The following ATRNL1 variants were observed in gnomAD, a reference collection of about 807,000 sequenced individuals.
The protein encoded by ATRNL1 is attractin like 1, also known as attractin-like protein 1.
Under a neutral mutation model 182.7 loss-of-function variants are expected in ATRNL1, and 95 were observed. The ratio of observed to expected loss-of-function variants is 0.52; its 90% CI spans 0.44 to 0.62. The LOEUF (loss-of-function observed/expected upper bound fraction) is 0.62. Among genes scored for constraint, ATRNL1 ranks in the 20% least tolerant of loss-of-function variants. The pLI, the probability that ATRNL1 is intolerant of heterozygous loss-of-function variation, is 0.00. For synonymous variants in ATRNL1, 576 were observed against 568.3 expected (o/e 1.01, Z -0.19); for missense variants, 1,471 against 1,679.5 (o/e 0.88, Z 2.17).
At chr10:115,612,358 CCA>C (rs1555019280) in intron 26 of ATRNL1, among the ~76,000 whole-genome samples, 1 of 152,084 alleles carries the variant, frequency 6.6e-6, no homozygotes, top group Non-Finnish European at 1.5e-5. Context: ...TTCTTTCTTG[CCA>C]CAGTGTTTAC....
chr10:115,483,239 A>G (rs923254082), intron 24 of ATRNL1, among the ~76,000 whole-genome samples: 8 of 151,420 alleles, frequency 5.3e-5, no homozygotes, highest in Non-Finnish European at 1.0e-4. Flanking sequence ...TAAATCAACA[A>G]TAGTTTATAT....
At chr10:115,727,979 A>G (rs375443686) in intron 27 of ATRNL1, among the ~76,000 whole-genome samples, 4 of 151,878 alleles carry the variant, frequency 2.6e-5, no homozygotes, top group Admixed American at 2.6e-4. Context: ...AATAATCCCT[A>G]AAGATGCAAA....
At chr10:115,419,304 G>C (rs1845547953) in intron 20 of ATRNL1, among the ~76,000 whole-genome samples, 1 of 151,968 alleles carries the variant, frequency 6.6e-6, no homozygotes, top group South Asian at 2.1e-4. Context: ...AAAAAGTAAG[G>C]AATAAAACAC....
chr10:115,454,514 T>C (rs1847432582), intron 21 of ATRNL1, among the ~76,000 whole-genome samples: 1 of 152,142 alleles, frequency 6.6e-6, no homozygotes, highest in Non-Finnish European at 1.5e-5. Context: ...TTTAACCATA[T>C]TAATTTTTCC....
At chr10:115,762,651 C>T (rs1040991838) in intron 27 of ATRNL1, among the ~76,000 whole-genome samples, 2 of 151,898 alleles carry the variant, frequency 1.3e-5, no homozygotes, top group Non-Finnish European at 2.9e-5. Flanking sequence ...AACTAACCTC[C>T]CATAAATAGT....
At chr10:115,728,543 T>A (rs1555061447) in intron 27 of ATRNL1, among the ~76,000 whole-genome samples, 1 of 152,120 alleles carries the variant, frequency 6.6e-6, no homozygotes, top group Non-Finnish European at 1.5e-5. Context: ...TTACTTTTTG[T>A]CAAGGAAAAT....
At chr10:115,109,583 C>T (rs1554867300) in intron 1 of ATRNL1, among the ~76,000 whole-genome samples, 1 of 152,202 alleles carries the variant, frequency 6.6e-6, no homozygotes, top group African/African-American at 2.4e-5. Context: ...CATCCCCACA[C>T]TGTTGTATCG....
intron 26 of ATRNL1, among the ~76,000 whole-genome samples, chr10:115,607,469 T>A (rs1310279120): frequency 1.3e-5 from 2 of 151,784 alleles, no homozygotes; most frequent in Non-Finnish European, 3.0e-5. Flanking sequence ...TCCTTTAAAG[T>A]TTACAACTTT....
chr10:115,514,681 A>C (rs1316741811), intron 24 of ATRNL1, among the ~76,000 whole-genome samples: 5 of 151,930 alleles, frequency 3.3e-5, no homozygotes, highest in Non-Finnish European at 7.4e-5. Context: ...CTACTTATAC[A>C]CCATTTAAAT....
intron 26 of ATRNL1, among the ~76,000 whole-genome samples, chr10:115,601,264 T>C (rs188605548): frequency 6.6e-6 from 1 of 152,306 alleles, no homozygotes; most frequent in Admixed American, 6.5e-5. Flanking sequence ...CATATACATA[T>C]CATTGTAGTG....
At chr10:115,102,399 A>T (rs1843809161) in intron 1 of ATRNL1, among the ~76,000 whole-genome samples, 1 of 151,768 alleles carries the variant, frequency 6.6e-6, no homozygotes, top group African/African-American at 2.4e-5. Context: ...CACTTTATTA[A>T]TGTATGTATG....
intron 28 of ATRNL1, among the ~76,000 whole-genome samples, chr10:115,886,599 G>A (rs1951952023): frequency 6.6e-6 from 1 of 152,150 alleles, no homozygotes; most frequent in African/African-American, 2.4e-5. Flanking sequence ...TGTAAGTATT[G>A]TATTTAATTT....
chr10:115,838,891 G>C (rs1950740870), intron 27 of ATRNL1, among the ~76,000 whole-genome samples: 1 of 152,046 alleles, frequency 6.6e-6, no homozygotes, highest in Non-Finnish European at 1.5e-5. Context: ...CTTATTCTCT[G>C]AGAAATCCAG....
chr10:115,140,835 T>C (rs782716474), intron 5 of ATRNL1, among the ~76,000 whole-genome samples: 3 of 152,150 alleles, frequency 2.0e-5, no homozygotes, highest in Non-Finnish European at 4.4e-5. Context: ...TGTTGCGTAG[T>C]GCCTCTGATC....
chr10:115,302,713 A>G (rs1472332109), intron 17 of ATRNL1, among the ~76,000 whole-genome samples: 1 of 152,192 alleles, frequency 6.6e-6, no homozygotes, highest in Non-Finnish European at 1.5e-5. Context: ...ATGAATATTT[A>G]ATACTGGGTA....
Position 115,366,727 on chromosome 10 carries a change from C to T in ATRNL1, c.3176-27932C>T, listed in dbSNP as rs1333190019. Among the ~76,000 whole-genome samples, 156 of 151,900 alleles carry T rather than the reference C, an allele frequency of 1.0e-3. 4 individuals carry two copies. The highest frequency in any genetic ancestry group is 8.4e-4 in the South Asian group (4 of 4,780). On this transcript the variant is annotated intron_variant, in intron 19 of 28. Coordinates refer to ENST00000355044, the MANE Select transcript of ATRNL1 (RefSeq NM_207303.4). ...AGGGCAGGCCTGGTGGTGACAAAAT[C>T]GGTTAGCATTTGCTTGTCTGTAAAG...
At chr10:115,526,640 G>A (rs535556096) in intron 25 of ATRNL1, among the ~76,000 whole-genome samples, 1 of 152,302 alleles carries the variant, frequency 6.6e-6, no homozygotes, top group Non-Finnish European at 1.5e-5. Flanking sequence ...GCCAATCAGT[G>A]AGTGAATCAG....
chr10:115,620,953 C>T (rs1380254363), intron 26 of ATRNL1, among the ~76,000 whole-genome samples: 1 of 151,984 alleles, frequency 6.6e-6, no homozygotes, highest in Non-Finnish European at 1.5e-5. Context: ...GCATATTTTA[C>T]TCCATTTCCC....
Position 115,583,384 on chromosome 10 carries a change from A to G in ATRNL1, c.3795+33848A>G, listed in dbSNP as rs1452977165. 3.7e-5 allele frequency among the ~76,000 whole-genome samples: 4 copies of G among 109,380 alleles called. 1 individual carries two copies. The highest frequency in any genetic ancestry group is 8.1e-5 in the Non-Finnish European group (4 of 49,418). The allele number at this position is 109,380 out of a possible 152,430, so 71.8% of individuals were successfully genotyped here. The stretch of plus-strand genomic sequence containing the variant: ...ATATTGATTCTTCCTACCCATGAGC[A>G]TGGAATGTTCTTCCATTTGTTTGTA... On this transcript the variant is annotated intron_variant, in intron 26 of 28. Transcript: ENST00000355044.
Sources: gnomAD v4.1 joint callset for allele counts (sites outside exome capture counted in the v4.1 genomes callset) on GRCh38, gnomAD v4.1.1 for gene constraint, MANE v1.5 for transcripts, NCBI Gene and HGNC (gene_info 2026-07-23, HGNC 2026-07-21) for gene names.